Variants in CPEB3 observed in about 807,000 individuals in gnomAD.
CPEB3 encodes the protein cytoplasmic polyadenylation element-binding protein 3.
Under a neutral mutation model 67.2 loss-of-function variants are expected in CPEB3, and 20 were observed. That is an observed-to-expected ratio of 0.30 (90% CI 0.21 to 0.43). The LOEUF (loss-of-function observed/expected upper bound fraction) is 0.43, where lower values mean the gene tolerates loss of function less well. Ranked by LOEUF, CPEB3 falls within the 20% of genes least tolerant of loss-of-function variation. The pLI, the probability that CPEB3 is intolerant of heterozygous loss-of-function variation, is 1.00. For missense variants in CPEB3, 746 were observed against 968.6 expected (o/e 0.77, Z 3.05); for synonymous variants, 376 against 393.1 (o/e 0.96, Z 0.51).
chr10:92,209,774 T>C (rs1446098197), intron 2 of CPEB3, among the ~76,000 whole-genome samples: 1 of 145,938 alleles, frequency 6.9e-6, no homozygotes, highest in Non-Finnish European at 1.5e-5. Context: ...CCATCTCAAC[T>C]AAAAATACAA....
At chr10:92,138,293 A>C (rs568012215) in intron 6 of CPEB3, 1 of 220,260 alleles carries the variant, frequency 4.5e-6, no homozygotes, top group East Asian at 1.1e-4. Context: ...GAAGAAGACA[A>C]GAGGACTCTT....
intron 4 of CPEB3, among the ~76,000 whole-genome samples, chr10:92,164,162 C>T (rs1288424305): frequency 6.6e-6 from 1 of 152,072 alleles, no homozygotes; most frequent in Non-Finnish European, 1.5e-5. Flanking sequence ...CTTCTAATCC[C>T]CAAGGCAGCT....
chr10:92,109,606 A>C (rs1424813974), intron 7 of CPEB3, among the ~76,000 whole-genome samples: 1 of 152,044 alleles, frequency 6.6e-6, no homozygotes, highest in African/African-American at 2.4e-5. Context: ...TTGGGTACAG[A>C]CTTTCCAAAC....
chr10:92,121,287 C>T lies in CPEB3; in HGVS notation c.1454-10093G>A, dbSNP rs376074562. 4.0e-5 allele frequency among the ~76,000 whole-genome samples: 6 copies of T among 150,962 alleles called. No individual in the cohort carries two copies. In the South Asian group the frequency reaches 6.3e-4, roughly 16 times the overall value. On this transcript the variant is annotated intron_variant, in intron 6 of 9. Transcript: ENST00000265997. ...CCTCCCAAAGTGCTGGGATTACAGG[C>T]GTGAGCCACCACGCCCGGTCTACAA...
chr10:92,261,526 C>T (rs1451362182), intron 1 of CPEB3, among the ~76,000 whole-genome samples: 2 of 152,180 alleles, frequency 1.3e-5, no homozygotes, highest in Non-Finnish European at 2.9e-5. Flanking sequence ...CAGCTCACTG[C>T]AACCTCTACC....
At chr10:92,154,658 C>T (rs1338642686) in intron 4 of CPEB3, among the ~76,000 whole-genome samples, 2 of 152,220 alleles carry the variant, frequency 1.3e-5, no homozygotes, top group Non-Finnish European at 2.9e-5. Context: ...GCTGGTCCCA[C>T]AGCATACACT....
At chr10:92,084,839 A>G (rs1446298388) in intron 8 of CPEB3, among the ~76,000 whole-genome samples, 1 of 152,150 alleles carries the variant, frequency 6.6e-6, no homozygotes, top group African/African-American at 2.4e-5. Flanking sequence ...TCGGCCTCCC[A>G]AAGTGCTGAG....
chr10:92,132,813 C>A (rs540747243), intron 6 of CPEB3, among the ~76,000 whole-genome samples: 33 of 152,206 alleles, frequency 2.2e-4, no homozygotes, highest in Non-Finnish European at 4.6e-4. Flanking sequence ...TCACAATAAA[C>A]TGTCTCTCAG....
intron 4 of CPEB3, among the ~76,000 whole-genome samples, chr10:92,178,176 T>C (rs1457589203): frequency 2.0e-5 from 3 of 151,634 alleles, no homozygotes; most frequent in Non-Finnish European, 4.4e-5. Flanking sequence ...TTTTTTTTTT[T>C]TAGATGGAGT....
chr10:92,104,275 A>G (rs1013657655), intron 7 of CPEB3, among the ~76,000 whole-genome samples: 1 of 152,174 alleles, frequency 6.6e-6, no homozygotes, highest in African/African-American at 2.4e-5. Context: ...TGATGGGACA[A>G]GTATTCTTCA....
intron 7 of CPEB3, among the ~76,000 whole-genome samples, chr10:92,104,757 C>T (rs892977629): frequency 6.6e-6 from 1 of 151,830 alleles, no homozygotes; most frequent in Admixed American, 6.6e-5. Context: ...CTAAGAAATT[C>T]TGGACCAATT....
At chr10:92,190,246 C>T (rs912450458) in intron 3 of CPEB3, among the ~76,000 whole-genome samples, 2 of 151,928 alleles carry the variant, frequency 1.3e-5, no homozygotes, top group Non-Finnish European at 2.9e-5. Context: ...CCATTGCACT[C>T]CAGCCTGGGC....
intron 9 of CPEB3, among the ~76,000 whole-genome samples, chr10:92,058,588 C>T (rs1321213008): frequency 8.1e-6 from 1 of 123,976 alleles, no homozygotes; most frequent in African/African-American, 2.7e-5. Context: ...TACATACATA[C>T]ATACATATAT....
chr10:92,172,671 C>T (rs1053629313), intron 4 of CPEB3, among the ~76,000 whole-genome samples: 3 of 152,038 alleles, frequency 2.0e-5, no homozygotes, highest in African/African-American at 2.4e-5. Context: ...GCATATGTAC[C>T]CCCTGAACCT....
At chr10:92,125,096 G>C (rs1405404897) in intron 6 of CPEB3, among the ~76,000 whole-genome samples, 1 of 152,230 alleles carries the variant, frequency 6.6e-6, no homozygotes, top group African/African-American at 2.4e-5. Flanking sequence ...AGCCAGTGCA[G>C]AGGACGTATA....
intron 3 of CPEB3, among the ~76,000 whole-genome samples, chr10:92,191,704 G>A (rs528931505): frequency 1.4e-4 from 22 of 152,188 alleles, no homozygotes; most frequent in African/African-American, 3.9e-4. Context: ...CACAGTTTTC[G>A]GAAATTTAGA....
intron 4 of CPEB3, among the ~76,000 whole-genome samples, chr10:92,145,510 T>G (rs1846636066): frequency 6.6e-6 from 1 of 151,870 alleles, no homozygotes; most frequent in African/African-American, 2.4e-5. Flanking sequence ...ATGCATGTAA[T>G]CCCAGCTACT....
intron 8 of CPEB3, among the ~76,000 whole-genome samples, chr10:92,086,531 C>T (rs912033270): frequency 6.6e-6 from 1 of 152,162 alleles, no homozygotes; most frequent in African/African-American, 2.4e-5. Flanking sequence ...TGAGAAAGAC[C>T]AGTTACTCTA....
chr10:92,141,225 C>G (rs1846400365), intron 6 of CPEB3, among the ~76,000 whole-genome samples: 1 of 147,546 alleles, frequency 6.8e-6, no homozygotes, highest in Non-Finnish European at 1.5e-5. Flanking sequence ...AGACTTGGAA[C>G]CAACCCAAAT....
Sources: gnomAD v4.1 joint callset for allele counts (sites outside exome capture counted in the v4.1 genomes callset) on GRCh38, gnomAD v4.1.1 for gene constraint, MANE v1.5 for transcripts, NCBI Gene and HGNC (gene_info 2026-07-23, HGNC 2026-07-21) for gene names.